Variants in TMEM233 observed in about 807,000 individuals in gnomAD.
TMEM233 encodes dispanin subfamily B member 2.
In TMEM233, 6 loss-of-function variants were observed where a neutral mutation model predicts 11.2. That is an observed-to-expected ratio of 0.54 (90% CI 0.29 to 1.06). TMEM233 has a LOEUF of 1.06. Among genes scored for constraint, TMEM233 ranks in the 50% least tolerant of loss-of-function variants. TMEM233 has a pLI of 0.08. For missense variants in TMEM233, 127 were observed against 144.7 expected (o/e 0.88, Z 0.63); for synonymous variants, 59 against 55.8 (o/e 1.06, Z -0.26).
rs943450389 is a variant in TMEM233, at chr12:119,595,298, C to G, written c.186+1264C>G. 4.6e-5 allele frequency among the ~76,000 whole-genome samples: 7 copies of G among 152,242 alleles called. No individual in the cohort carries two copies. Among genetic ancestry groups the G allele is most frequent in the African/African-American group, 1.7e-4 (7 of 41,458 alleles). On this transcript the variant is annotated intron_variant, in intron 1 of 2. Coordinates refer to ENST00000426426, the MANE Select transcript of TMEM233 (RefSeq NM_001136534.3). The surrounding 1 kb of genome is among the most constrained non-coding windows in gnomAD (Gnocchi z 4.3). ...GCCTGCAGCTGGGCCACGGAACTCC[C>G]CGGCCACAGACGCAGAGCCCTGATT... is the stretch of plus-strand genomic sequence containing the variant.
At chr12:119,644,496 T>G (rs1442574824), downstream of TMEM233, among the ~76,000 whole-genome samples, 7 of 127,686 alleles carry the variant, frequency 5.5e-5, no homozygotes, top group Non-Finnish European at 1.2e-4. Context: ...TTTTTTTTTT[T>G]GAGATGGAGT....
chr12:119,617,190 C>G (rs113174140), intron 1 of TMEM233, among the ~76,000 whole-genome samples: 2,515 of 152,166 alleles, frequency 0.017, 63 homozygotes, highest in African/African-American at 0.056. Flanking sequence ...TTTGGAACTT[C>G]CTAGAGACTT....
chr12:119,640,439 A>G (rs1442723918), intron 2 of TMEM233, among the ~76,000 whole-genome samples: 2 of 152,208 alleles, frequency 1.3e-5, no homozygotes, highest in African/African-American at 2.4e-5. Context: ...TACAGGCGTG[A>G]GCCACCATGC....
At chr12:119,620,569 A>G (rs1228720332) in intron 1 of TMEM233, among the ~76,000 whole-genome samples, 1 of 152,232 alleles carries the variant, frequency 6.6e-6, no homozygotes, top group Non-Finnish European at 1.5e-5. Context: ...GAAGCCTTAA[A>G]AAGAATAAGA....
intron 2 of TMEM233, among the ~76,000 whole-genome samples, chr12:119,634,813 G>T (rs1302730784): frequency 6.6e-6 from 1 of 152,148 alleles, no homozygotes; most frequent in Non-Finnish European, 1.5e-5. Context: ...GATCATGATA[G>T]TCTTTACCCA....
chr12:119,615,293 C>T (rs1329356531), intron 1 of TMEM233, among the ~76,000 whole-genome samples: 1 of 151,494 alleles, frequency 6.6e-6, no homozygotes, highest in Non-Finnish European at 1.5e-5. Flanking sequence ...TTTATCTCCA[C>T]CAGAAAGTAA....
At chr12:119,636,649 G>A (rs1269466232) in intron 2 of TMEM233, among the ~76,000 whole-genome samples, 1 of 152,098 alleles carries the variant, frequency 6.6e-6, no homozygotes, top group African/African-American at 2.4e-5. Context: ...TTAGGCTCAT[G>A]GTCACTTATC....
intron 2 of TMEM233, among the ~76,000 whole-genome samples, chr12:119,636,556 G>A (rs532198096): frequency 2.0e-5 from 3 of 152,048 alleles, no homozygotes; most frequent in African/African-American, 7.2e-5. Flanking sequence ...AGCCTCAAGT[G>A]ATCCTCCCAC....
At chr12:119,630,122 A>T (rs1954849102) in intron 2 of TMEM233, among the ~76,000 whole-genome samples, 1 of 152,274 alleles carries the variant, frequency 6.6e-6, no homozygotes, top group Non-Finnish European at 1.5e-5. Flanking sequence ...TACAGGCCCT[A>T]CATCCTCTGG....
chr12:119,608,936 ATAGAG>A (rs1954338965), intron 1 of TMEM233, among the ~76,000 whole-genome samples: 1 of 152,342 alleles, frequency 6.6e-6, no homozygotes, highest in African/African-American at 2.4e-5. Context: ...GAATGAATTA[ATAGAG>A]TAAACTGGTA....
chr12:119,637,996 C>T (rs1425478274), intron 2 of TMEM233, among the ~76,000 whole-genome samples: 1 of 152,156 alleles, frequency 6.6e-6, no homozygotes, highest in Admixed American at 6.6e-5. Flanking sequence ...AAAATTGGGA[C>T]AGTCTTTTGG....
In TMEM233 at chr12:119,603,431, A is replaced by G. The variant is rs1954206339; in HGVS notation, c.186+9397A>G. On this transcript the variant is annotated intron_variant, in intron 1 of 2. Transcript: ENST00000426426. ...GAGGTAGAGCTTGTCATTAAATAGTAAGAAAACTATTTCTGGCTTATGTGT... is the reference window on the plus strand; with the variant it reads ...GAGGTAGAGCTTGTCATTAAATAGTGAGAAAACTATTTCTGGCTTATGTGT... 2.6e-5 allele frequency among the ~76,000 whole-genome samples: 4 copies of G among 152,218 alleles called. 1 individual carries two copies. In the South Asian group the frequency reaches 8.3e-4, roughly 32 times the overall value.
chr12:119,624,538 A>G (rs1954710731), intron 1 of TMEM233, among the ~76,000 whole-genome samples: 1 of 152,220 alleles, frequency 6.6e-6, no homozygotes, highest in Admixed American at 6.5e-5. Context: ...TATAACATGG[A>G]TGAACTTTGA....
intron 2 of TMEM233, 143 bp downstream of exon 2, chr12:119,630,015 T>C: frequency 9.6e-7 from 1 of 1,047,068 alleles, no homozygotes; most frequent in Non-Finnish European, 1.3e-6. Flanking sequence ...AATAAATTTG[T>C]CCCAGTCCAG....
intron 1 of TMEM233, among the ~76,000 whole-genome samples, chr12:119,600,818 T>C (rs907822290): frequency 3.3e-5 from 5 of 152,082 alleles, no homozygotes; most frequent in African/African-American, 1.2e-4. Context: ...GTTTAATGGG[T>C]ATGGAGTTTC....
chr12:119,639,555 G>A (rs1194023054), intron 2 of TMEM233, among the ~76,000 whole-genome samples: 1 of 152,004 alleles, frequency 6.6e-6, no homozygotes, highest in Non-Finnish European at 1.5e-5. Context: ...CCAGGAGGTG[G>A]AGGTTGCAGT....
At chr12:119,624,559 A>G (rs561694933) in intron 1 of TMEM233, among the ~76,000 whole-genome samples, 1 of 152,282 alleles carries the variant, frequency 6.6e-6, no homozygotes, top group African/African-American at 2.4e-5. Flanking sequence ...AGACATTATT[A>G]TGTCTAAGTA....
downstream of TMEM233, among the ~76,000 whole-genome samples, chr12:119,647,454 AT>A (rs1214614421): frequency 5.3e-5 from 8 of 151,500 alleles, no homozygotes. Context: ...TTTATTCTTC[AT>A]TTTTTTTGTC....
downstream of TMEM233, among the ~76,000 whole-genome samples, chr12:119,647,419 A>C (rs1375744353): frequency 3.3e-5 from 5 of 152,266 alleles, no homozygotes; most frequent in Admixed American, 2.6e-4. Context: ...TGATAGGTGA[A>C]ATCAGTACCT....
Sources: allele counts gnomAD v4.1 joint callset (sites outside exome capture counted in the v4.1 genomes callset), GRCh38; gene constraint gnomAD v4.1.1; non-coding constraint Gnocchi (gnomAD v3.1); transcripts MANE v1.5; gene names NCBI Gene and HGNC (gene_info 2026-07-23, HGNC 2026-07-21).